Variants in QRICH2 observed in about 807,000 individuals in gnomAD.
QRICH2 encodes glutamine-rich protein 2.
In QRICH2, 119 loss-of-function variants were observed where a neutral mutation model predicts 168.3. The ratio of observed to expected loss-of-function variants is 0.71; its 90% CI spans 0.61 to 0.82. The LOEUF (loss-of-function observed/expected upper bound fraction) is 0.82. Ranked by LOEUF, QRICH2 falls within the 40% of genes least tolerant of loss-of-function variation. The probability of loss-of-function intolerance (pLI) is 0.00; values close to 1 mark genes in which losing one functional copy is unlikely to be tolerated. For synonymous variants in QRICH2, 894 were observed against 951.2 expected (o/e 0.94, Z 1.11); for missense variants, 2,241 against 2,491.6 (o/e 0.90, Z 2.14).
At chr17:76,282,472 G>A (rs975777299) in intron 7 of QRICH2, among the ~76,000 whole-genome samples, 1 of 152,206 alleles carries the variant, frequency 6.6e-6, no homozygotes, top group African/African-American at 2.4e-5. Context: ...GGACCGTAAT[G>A]ACACACAGGC....
intron 13 of QRICH2, 31 bp downstream of exon 13, chr17:76,279,332 G>A (rs745592616): frequency 3.8e-6 from 6 of 1,592,448 alleles, no homozygotes; most frequent in South Asian, 3.4e-5. Flanking sequence ...CCTGCCATGC[G>A]AGGCCACGTG....
In QRICH2 at chr17:76,277,182, T is replaced by G; in HGVS notation, c.5246A>C (p.Glu1749Ala). The G allele has an allele frequency of 6.3e-7, 1 of 1,587,296 alleles. No homozygotes were observed. The highest frequency in any genetic ancestry group is 8.5e-7 in the Non-Finnish European group (1 of 1,171,318). ...CCTGACCTTCATGGCAATCTGGATCTCTTCAGTAGGATACAGGCCCCGGGG... is the reference window on the plus strand; with the variant it reads ...CCTGACCTTCATGGCAATCTGGATCGCTTCAGTAGGATACAGGCCCCGGGG... ...HLPRGLYPTE[E>A]IQIAMKHDEV... The change falls in exon 16 of 19, where the codon GAG (glutamate) becomes GCG (alanine). Residue 1749 changes from glutamate (E) to alanine (A), a missense_variant. Glu to Ala is a moderately radical substitution (Grantham distance 107). Coordinates refer to ENST00000680821, the MANE Select transcript of QRICH2 (RefSeq NM_001388453.1).
At chr17:76,300,810 G>C (rs932333711) in intron 3 of QRICH2, among the ~76,000 whole-genome samples, 1 of 152,110 alleles carries the variant, frequency 6.6e-6, no homozygotes, top group African/African-American at 2.4e-5. Flanking sequence ...CCAGCACTTT[G>C]GGAGGCCAAG....
At chr17:76,282,247 C>T (rs2070803581) in intron 7 of QRICH2, 132 bp from the exon 8 acceptor site, 1 of 1,084,010 alleles carries the variant, frequency 9.2e-7, no homozygotes, top group Non-Finnish European at 1.3e-6. Context: ...ATCCTCAGTG[C>T]CTCCCAGAGC....
In QRICH2 at chr17:76,281,414, T is replaced by C. The variant is rs2070785899; in HGVS notation, c.4263+450A>G. Among the ~76,000 whole-genome samples the C allele has an allele frequency of 6.6e-6, 1 of 152,126 alleles. No homozygotes were observed. Among genetic ancestry groups the C allele is most frequent in the Admixed American group, 6.5e-5 (1 of 15,278 alleles). On this transcript the variant is annotated intron_variant, in intron 8 of 18. Coordinates refer to ENST00000680821, the MANE Select transcript of QRICH2 (RefSeq NM_001388453.1). The surrounding 1 kb of genome is among the most constrained non-coding windows in gnomAD (Gnocchi z 4.4). ...TGGGCTTTATTCTCCCCTCCTCTCC[T>C]GGCCCAAATCTGAGTTCCTCAGCCC...
At chr17:76,294,875 T>C (rs2070771127) in intron 3 of QRICH2, among the ~76,000 whole-genome samples, 1 of 151,312 alleles carries the variant, frequency 6.6e-6, no homozygotes, top group African/African-American at 2.4e-5. Context: ...AAAATACAAG[T>C]GATCTCTCTG....
chr17:76,303,130 C>T (rs534282031), intron 3 of QRICH2, among the ~76,000 whole-genome samples: 1 of 152,188 alleles, frequency 6.6e-6, no homozygotes, highest in South Asian at 2.1e-4. Context: ...GTGATCCGCC[C>T]CCCTCGACTT....
chr17:76,293,645 G>A lies in QRICH2; in HGVS notation c.1082C>T (p.Pro361Leu), dbSNP rs1221066571. ...TQPRRNARPG[P>L]VQQDLPLARD... ...GGCCAAGGGTAAGTCCTGTTGAACT[G>A]GACCAGGACGTGCATTTCTTCTTGG... The change falls in exon 4 of 19, where the codon CCA (proline) becomes CTA (leucine). Residue 361 changes from proline (P) to leucine (L), a missense_variant. This residue lies in a region of QRICH2 where 2,047 missense variants were observed against 2,303.8 expected (regional missense o/e 0.89). Transcript: ENST00000680821. 2 of 1,614,154 alleles carry A rather than the reference G, an allele frequency of 1.2e-6. No individual in the cohort carries two copies. The highest frequency in any genetic ancestry group is 2.2e-5 in the South Asian group (2 of 91,084).
At chr17:76,304,662 G>T in intron 2 of QRICH2, 137 bp from the exon 3 acceptor site, 1 of 732,544 alleles carries the variant, frequency 1.4e-6, no homozygotes, top group South Asian at 1.6e-5. Flanking sequence ...CCCTTCAAGT[G>T]ACCAGTGAAG....
intron 3 of QRICH2, among the ~76,000 whole-genome samples, chr17:76,303,365 C>T (rs966717457): frequency 6.6e-6 from 1 of 152,188 alleles, no homozygotes; most frequent in African/African-American, 2.4e-5. Flanking sequence ...TCAAATGGCC[C>T]TCAAAGTTGG....
rs1479690760 is a variant in QRICH2, at chr17:76,293,910, G to A, written c.817C>T (p.Leu273=). The A allele has an allele frequency of 1.2e-6, 2 of 1,614,064 alleles. No individual in the cohort carries two copies. The highest frequency in any genetic ancestry group is 3.3e-5 in the Admixed American group (2 of 59,988). ...GGGCCAAGACCACTGGCAGAATCCAGAGCCTGCTCAATACTTGGTTGCTTG... is the reference window on the plus strand; with the variant it reads ...GGGCCAAGACCACTGGCAGAATCCAAAGCCTGCTCAATACTTGGTTGCTTG... ...STKQPSIEQA[L]DSASGLGPDR... is the part of the protein sequence containing the mutation. The change falls in exon 4 of 19, where the codon CTG becomes TTG. Residue 273 remains leucine, a synonymous_variant. Transcript: ENST00000680821.
At chr17:76,308,839 G>C (rs1400842699), upstream of QRICH2, among the ~76,000 whole-genome samples, 2 of 151,808 alleles carry the variant, frequency 1.3e-5, no homozygotes, top group African/African-American at 4.8e-5. Context: ...TCTGCCTCCC[G>C]GGTTGACATG....
chr17:76,282,715 A>G (rs561541495), intron 7 of QRICH2, among the ~76,000 whole-genome samples: 228 of 152,272 alleles, frequency 1.5e-3, no homozygotes, highest in African/African-American at 5.2e-3. Flanking sequence ...CGCAGGCCCC[A>G]TTCGTCACCC....
chr17:76,283,876 A>G (rs985579802), intron 7 of QRICH2, among the ~76,000 whole-genome samples: 1 of 134,436 alleles, frequency 7.4e-6, no homozygotes, highest in African/African-American at 3.5e-5. Flanking sequence ...CTCTGTCTCA[A>G]AAAAAAAAGC....
chr17:76,279,295 G>T, intron 13 of QRICH2, 68 bp downstream of exon 13: 2 of 1,421,958 alleles, frequency 1.4e-6, no homozygotes, highest in South Asian at 1.2e-5. Context: ...AGGACAGGTG[G>T]ACACAGGTGA....
chr17:76,279,543 T>C, intron 12 of QRICH2, 115 bp from the exon 13 acceptor site: 1 of 763,052 alleles, frequency 1.3e-6, no homozygotes, highest in Non-Finnish European at 2.2e-6. Context: ...ATCATGTCCC[T>C]GCTCCCCAGG....
intron 13 of QRICH2, 65 bp from the exon 14 acceptor site, chr17:76,279,207 CT>C (rs1365710691): frequency 2.2e-5 from 32 of 1,430,550 alleles, no homozygotes; most frequent in Non-Finnish European, 1.8e-5. Flanking sequence ...CCAAATCCAC[CT>C]GCCTAAAGAA....
chr17:76,304,901 T>C lies in QRICH2; in HGVS notation c.575A>G (p.Lys192Arg). 1 of 1,613,610 alleles carries C rather than the reference T, an allele frequency of 6.2e-7. No homozygotes were observed. The highest frequency in any genetic ancestry group is 8.5e-7 in the Non-Finnish European group (1 of 1,179,560). Reference protein sequence around the residue: ...QRVDELEKLFKDREQFLELVS... With the variant: ...QRVDELEKLFRDREQFLELVS... ...TATTACCAGGAATTGCTCCCGATCT[T>C]TGAATAGCTTCTCTAGTTCATCAAC... The change falls in exon 2 of 19, where the codon AAA (lysine) becomes AGA (arginine). Residue 192 changes from lysine (K) to arginine (R), a missense_variant. Coordinates refer to ENST00000680821, the MANE Select transcript of QRICH2 (RefSeq NM_001388453.1).
Position 76,280,111 on chromosome 17 carries a change from T to A in QRICH2, c.4670A>T (p.Asp1557Val). The A allele has an allele frequency of 6.2e-7, 1 of 1,613,754 alleles. No individual in the cohort carries two copies. The highest frequency in any genetic ancestry group is 1.3e-5 in the African/African-American group (1 of 75,008). Residue 1557 changes from aspartate to valine, a missense_variant, in exon 12 of 19, where the codon GAT becomes GTT. Coordinates refer to ENST00000680821, the MANE Select transcript of QRICH2 (RefSeq NM_001388453.1). This position sits in a 1 kb window ranked among gnomAD's most constrained non-coding sequence, Gnocchi z 7.4. ...ELDPVKQLLE[D>V]RWKSLRQQLR... The stretch of plus-strand genomic sequence containing the variant: ...CTGCTGTCGCAGCGATTTCCACCGA[T>A]CCTCCAGCAACTGCTTCACTGGGTC...
Sources: allele counts gnomAD v4.1 joint callset (sites outside exome capture counted in the v4.1 genomes callset), GRCh38; gene constraint gnomAD v4.1.1; regional missense constraint gnomAD v4.1.1; non-coding constraint Gnocchi (gnomAD v3.1); transcripts MANE v1.5; gene names NCBI Gene and HGNC (gene_info 2026-07-23, HGNC 2026-07-21).